FTO: variants seen among roughly 807,000 people sequenced by gnomAD.
The protein encoded by FTO is alpha-ketoglutarate-dependent dioxygenase FTO.
FTO carries 47 observed loss-of-function variants against 63.9 expected under a neutral mutation model. The observed-to-expected ratio is 0.74, with a 90% CI of 0.58 to 0.94. The LOEUF (loss-of-function observed/expected upper bound fraction) is 0.94, where lower values mean the gene tolerates loss of function less well. FTO is among the 40% of genes least tolerant of loss of function. The pLI is 0.00. For synonymous variants in FTO, 207 were observed against 224.4 expected, an observed-to-expected ratio of 0.92 and a Z score of 0.69; for missense variants, 562 against 618.1, an observed-to-expected ratio of 0.91 and a Z score of 0.96.
In FTO at chr16:53,704,211, A is replaced by G. The variant is rs781697663; in HGVS notation, c.27A>G (p.Glu9=). MKRTPTAE[E]REREAKKLRL... ...TGAAGCGCACCCCGACTGCCGAGGA[A>G]CGAGAGCGCGAAGCTAAGGTATGTC... Residue 9 remains glutamate (E), a synonymous_variant, in exon 1 of 9, where the codon GAA becomes GAG. Transcript: ENST00000471389. 5 of 1,551,428 alleles carry G rather than the reference A, an allele frequency of 3.2e-6. No individual in the cohort carries two copies. The highest frequency in any genetic ancestry group is 2.4e-5 in the East Asian group (1 of 40,908).
chr16:54,057,678 G>T (rs942258216), intron 8 of FTO, among the ~76,000 whole-genome samples: 1 of 151,346 alleles, frequency 6.6e-6, no homozygotes, highest in Non-Finnish European at 1.5e-5. Flanking sequence ...TCACCATGTT[G>T]CCCAGCTGGG....
chr16:53,849,072 C>A (rs1305227504), intron 4 of FTO, among the ~76,000 whole-genome samples: 1 of 152,064 alleles, frequency 6.6e-6, no homozygotes, highest in Non-Finnish European at 1.5e-5. Flanking sequence ...AATGCATAGC[C>A]CTTCTTTTTT....
chr16:54,072,805 G>C (rs112446775), intron 8 of FTO, among the ~76,000 whole-genome samples: 1,911 of 152,232 alleles, frequency 0.013, 37 homozygotes, highest in African/African-American at 0.042. Context: ...GTTTTGGAAG[G>C]AGCTTCCCTC....
intron 8 of FTO, among the ~76,000 whole-genome samples, chr16:54,015,052 G>A (rs1339190286): frequency 6.6e-6 from 1 of 150,584 alleles, no homozygotes; most frequent in Non-Finnish European, 1.5e-5. Flanking sequence ...TTAGAGACAT[G>A]GTCTCACTCT....
At position 54,120,555 on chromosome 16, in the gene FTO, T is replaced by C. The variant is rs1599392711; in HGVS notation, c.*8640T>C. Reference sequence around the variant, plus strand: ...ACATACCCCAAAGAGAAGTTTTTAATATGTCACACCCATATTTTATAGATG... The same window carrying C: ...ACATACCCCAAAGAGAAGTTTTTAACATGTCACACCCATATTTTATAGATG... On this transcript the variant is annotated 3_prime_UTR_variant, in exon 9 of 9. Transcript: ENST00000471389. The C allele has an allele frequency of 2.0e-5, 3 of 152,330 alleles. No individual in the cohort carries two copies. Among genetic ancestry groups the C allele is most frequent in the Admixed American group, 2.0e-4 (3 of 15,306 alleles). 9.4% of individuals were successfully genotyped at this position (152,330 alleles called of 1,614,324 possible).
chr16:54,108,850 A>G (rs935606221), intron 8 of FTO, among the ~76,000 whole-genome samples: 7 of 152,166 alleles, frequency 4.6e-5, no homozygotes, highest in African/African-American at 1.7e-4. Context: ...AATTCCGGCA[A>G]TCAAGAGAAC....
intron 1 of FTO, among the ~76,000 whole-genome samples, chr16:53,724,741 T>A (rs149568858): frequency 2.1e-3 from 319 of 152,260 alleles, no homozygotes; most frequent in Non-Finnish European, 3.2e-3. Flanking sequence ...GTCAGTTTCT[T>A]TTCCTACATG....
intron 1 of FTO, among the ~76,000 whole-genome samples, chr16:53,767,707 A>C (rs2077245002): frequency 6.6e-6 from 1 of 152,286 alleles, no homozygotes; most frequent in African/African-American, 2.4e-5. Context: ...GATATGATGC[A>C]TTCAACTTGC....
chr16:54,056,506 A>G (rs2085436576), intron 8 of FTO, among the ~76,000 whole-genome samples: 1 of 152,202 alleles, frequency 6.6e-6, no homozygotes, highest in African/African-American at 2.4e-5. Context: ...CTTCTGATGA[A>G]TTGAGTAAGG....
chr16:53,969,144 G>T (rs1263961251), intron 8 of FTO, among the ~76,000 whole-genome samples: 2 of 152,114 alleles, frequency 1.3e-5, no homozygotes, highest in South Asian at 4.1e-4. Context: ...TTTTAAAATT[G>T]TGTGTTTTTC....
intron 8 of FTO, chr16:54,061,628 TG>T (rs2144391326): frequency 6.9e-6 from 1 of 145,612 alleles, no homozygotes; most frequent in African/African-American, 2.7e-5. Context: ...TGTGTGTGTG[TG>T]TGTACAGCCG....
chr16:53,850,560 T>C (rs1266350406), intron 4 of FTO, among the ~76,000 whole-genome samples: 1 of 152,190 alleles, frequency 6.6e-6, no homozygotes, highest in African/African-American at 2.4e-5. Flanking sequence ...ATTTACCTCT[T>C]ACACTTTTTT....
chr16:54,027,577 A>C (rs1338866846), intron 8 of FTO, among the ~76,000 whole-genome samples: 1 of 151,930 alleles, frequency 6.6e-6, no homozygotes, highest in African/African-American at 2.4e-5. Flanking sequence ...TAAAAAAAAA[A>C]ATCTGCTTTC....
chr16:54,115,110 C>T lies in FTO; in HGVS notation c.*3195C>T, dbSNP rs1226041385. On this transcript the variant is annotated 3_prime_UTR_variant, in exon 9 of 9. Coordinates refer to ENST00000471389, the MANE Select transcript of FTO (RefSeq NM_001080432.3). ...TTCCTGGAAGCACAGGCCCAGAAAT[C>T]GCACCCTTCTCCCCATGTGTGCGGA... The T allele has an allele frequency of 6.6e-6, 1 of 152,182 alleles. No individual in the cohort carries two copies. Among genetic ancestry groups the T allele is most frequent in the Non-Finnish European group, 1.5e-5 (1 of 68,052 alleles). The allele number at this position is 152,182 out of a possible 1,614,324, so 9.4% of individuals were successfully genotyped here. A position where few individuals can be genotyped will look rare whatever the true frequency, so the allele number is the denominator to read the frequency against.
chr16:54,049,483 C>T (rs1567539326), intron 8 of FTO, among the ~76,000 whole-genome samples: 2 of 151,956 alleles, frequency 1.3e-5, no homozygotes, highest in Non-Finnish European at 2.9e-5. Flanking sequence ...TGATCAAAAG[C>T]AAATTAATTT....
chr16:53,800,598 A>G (rs1185267391), intron 1 of FTO, among the ~76,000 whole-genome samples: 1 of 152,170 alleles, frequency 6.6e-6, no homozygotes, highest in Admixed American at 6.5e-5. Flanking sequence ...ACTATTAATT[A>G]TGGAATTACC....
chr16:54,051,212 G>A (rs1297862471), intron 8 of FTO, among the ~76,000 whole-genome samples: 1 of 152,112 alleles, frequency 6.6e-6, no homozygotes, highest in African/African-American at 2.4e-5. Flanking sequence ...ACATGATGAA[G>A]GCCAGAAGAA....
intron 1 of FTO, among the ~76,000 whole-genome samples, chr16:53,787,110 CAAAAAAAAAAAAAAAAAAAAAA>C (rs35391915): frequency 3.6e-5 from 2 of 56,164 alleles, no homozygotes; most frequent in South Asian, 1.8e-3. Flanking sequence ...GACTCCTTCT[CAAAAAAAAAAAAAAAAAAAAAA>C]AAAAAAAAAA....
At chr16:53,732,465 G>A (rs1463567203) in intron 1 of FTO, among the ~76,000 whole-genome samples, 1 of 152,170 alleles carries the variant, frequency 6.6e-6, no homozygotes, top group African/African-American at 2.4e-5. Flanking sequence ...CTTCACCTCT[G>A]TATGGTTAAG....
Sources: allele counts gnomAD v4.1 joint callset (sites outside exome capture counted in the v4.1 genomes callset), GRCh38; gene constraint gnomAD v4.1.1; transcripts MANE v1.5; gene names NCBI Gene and HGNC (gene_info 2026-07-23, HGNC 2026-07-21).